The following DNAH10 variants were observed in gnomAD, a reference collection of about 807,000 sequenced individuals.
The protein encoded by DNAH10 is axonemal beta dynein heavy chain 10.
A neutral mutation model predicts 506.6 loss-of-function variants in DNAH10; 348 were observed. That is an observed-to-expected ratio of 0.69 (90% CI 0.63 to 0.75). DNAH10 has a LOEUF of 0.75. Among genes scored for constraint, DNAH10 ranks in the 30% least tolerant of loss-of-function variants. The probability of loss-of-function intolerance (pLI) is 0.00; values close to 1 mark genes in which losing one functional copy is unlikely to be tolerated. For synonymous variants in DNAH10, 2,059 were observed against 2,198.6 expected (o/e 0.94, Z 1.78); for missense variants, 5,179 against 5,787.1 (o/e 0.89, Z 3.41).
intron 8 of DNAH10, among the ~76,000 whole-genome samples, chr12:123,784,797 A>T (rs1438513895): frequency 6.6e-6 from 1 of 152,070 alleles, no homozygotes; most frequent in African/African-American, 2.4e-5. Context: ...TGTAAATCTG[A>T]CTACTCTAGG....
chr12:123,765,686 A>G (rs1957012691), intron 1 of DNAH10, among the ~76,000 whole-genome samples: 1 of 150,818 alleles, frequency 6.6e-6, no homozygotes, highest in Non-Finnish European at 1.5e-5. Flanking sequence ...CTATCTACCA[A>G]CTGACCAATC....
chr12:123,923,896 C>G (rs1243610754), intron 66 of DNAH10, 29 bp downstream of exon 66: 1 of 1,476,274 alleles, frequency 6.8e-7, no homozygotes, highest in Admixed American at 1.9e-5. Context: ...TTCATTCCTC[C>G]CATCTCCTTG....
intron 56 of DNAH10, among the ~76,000 whole-genome samples, chr12:123,901,710 G>C (rs1953528802): frequency 6.6e-6 from 1 of 152,122 alleles, no homozygotes; most frequent in Non-Finnish European, 1.5e-5. Context: ...ACCTAGGCTG[G>C]AGTGCAGTGG....
intron 36 of DNAH10, among the ~76,000 whole-genome samples, chr12:123,856,114 CATTTT>C (rs935095913): frequency 1.4e-5 from 2 of 146,350 alleles, no homozygotes; most frequent in African/African-American, 5.0e-5. Flanking sequence ...ATATACATAA[CATTTT>C]ATATACATTT....
chr12:123,769,203 T>C (rs1957158473), intron 2 of DNAH10, among the ~76,000 whole-genome samples: 1 of 151,828 alleles, frequency 6.6e-6, no homozygotes, highest in Admixed American at 6.6e-5. Flanking sequence ...TGGAGTGCAA[T>C]GGTGCGATCT....
intron 57 of DNAH10, among the ~76,000 whole-genome samples, chr12:123,904,136 A>G (rs1953664859): frequency 6.6e-6 from 1 of 152,212 alleles, no homozygotes; most frequent in Non-Finnish European, 1.5e-5. Context: ...AGCTCACTCC[A>G]GGACAGAATG....
intron 5 of DNAH10, among the ~76,000 whole-genome samples, chr12:123,779,599 G>GT (rs1178991027): frequency 2.3e-5 from 2 of 88,372 alleles, no homozygotes; most frequent in East Asian, 7.0e-4. Flanking sequence ...GGACCTGGGG[G>GT]TGGGGGAGAG....
chr12:123,858,453 G>T (rs1177978711), intron 37 of DNAH10, among the ~76,000 whole-genome samples: 2 of 152,208 alleles, frequency 1.3e-5, no homozygotes, highest in Non-Finnish European at 2.9e-5. Context: ...TTTCTCTGGA[G>T]TTGGTTGTTG....
At chr12:123,898,561 G>C (rs1953362718) in intron 55 of DNAH10, 92 bp from the exon 56 acceptor site, 4 of 1,397,758 alleles carry the variant, frequency 2.9e-6, no homozygotes, top group African/African-American at 1.5e-5. Flanking sequence ...GTTTTGTTTT[G>C]TTTTTGATAA....
rs1276348625 is a variant in DNAH10 at position 123,903,502 on chromosome 12, T to C, written c.9815+389T>C. On this transcript the variant is annotated intron_variant, in intron 57 of 78. Coordinates refer to ENST00000673944, the MANE Select transcript of DNAH10 (RefSeq NM_001372106.1). The surrounding 1 kb of genome is among the most constrained non-coding windows in gnomAD (Gnocchi z 4.6). ...CTGAAAACAGCTCTGCAGAGATGTG[T>C]GCACACCACGGCCGGACTGGCGATG... 6.6e-6 allele frequency among the ~76,000 whole-genome samples: 1 copy of C among 152,224 alleles called. No individual in the cohort carries two copies. The highest frequency in any genetic ancestry group is 1.5e-5 in the Non-Finnish European group (1 of 68,030).
At chr12:123,788,614 G>GA (rs904556341) in intron 10 of DNAH10, among the ~76,000 whole-genome samples, 45 of 150,902 alleles carry the variant, frequency 3.0e-4, no homozygotes, top group East Asian at 1.4e-3. Flanking sequence ...TCAAAGACAG[G>GA]AAAAAAAAAT....
At chr12:123,933,557 C>T in intron 77 of DNAH10, 46 bp downstream of exon 77, 1 of 1,534,284 alleles carries the variant, frequency 6.5e-7, no homozygotes. Flanking sequence ...CTTAGGATTT[C>T]TCTCCCTGAA....
chr12:123,796,505 T>C, intron 12 of DNAH10, 151 bp from the exon 13 acceptor site: 1 of 686,912 alleles, frequency 1.5e-6, no homozygotes, highest in Non-Finnish European at 2.3e-6. Context: ...GAAAAAGTAG[T>C]AAATAATAAG....
chr12:123,914,439 G>T lies in DNAH10; in HGVS notation c.10463G>T (p.Arg3488Leu). 1 of 1,613,768 alleles carries T rather than the reference G, an allele frequency of 6.2e-7. No homozygotes were observed. The highest frequency in any genetic ancestry group is 1.1e-5 in the South Asian group (1 of 91,084). ...GAGGGAGCCTTCACCTGGGAGTTCC[G>T]TGACGAGATGGTCAATCGGATTTGG... ...SYEGAFTWEF[R>L]DEMVNRIWQN... is the part of the protein sequence containing the mutation. Residue 3488 changes from arginine to leucine, a missense_variant, in exon 61 of 79, where the codon CGT (arginine) becomes CTT (leucine). Arg to Leu is a moderately radical substitution (Grantham distance 102, BLOSUM62 -2). Around this residue, in one of 3 missense-constraint regions of DNAH10, gnomAD observed 4,844 missense variants for 5,430.5 expected, o/e 0.89. Coordinates refer to ENST00000673944, the MANE Select transcript of DNAH10 (RefSeq NM_001372106.1).
intron 30 of DNAH10, 57 bp from the exon 31 acceptor site, chr12:123,845,543 T>G: frequency 6.3e-7 from 1 of 1,591,396 alleles, no homozygotes; most frequent in Non-Finnish European, 8.5e-7. Context: ...AAGGGACTGT[T>G]TTGGGTACCA....
At chr12:123,807,312 A>G (rs1352836154) in intron 18 of DNAH10, among the ~76,000 whole-genome samples, 3 of 152,174 alleles carry the variant, frequency 2.0e-5, no homozygotes, top group African/African-American at 7.2e-5. Flanking sequence ...GTATCCTTGC[A>G]GTTTCTCTAA....
chr12:123,852,003 T>TCCTC (rs1951195075), intron 35 of DNAH10, among the ~76,000 whole-genome samples: 1 of 152,178 alleles, frequency 6.6e-6, no homozygotes, highest in Admixed American at 6.5e-5. Flanking sequence ...ACTTCTGGGC[T>TCCTC]CCAGTAATCC....
At chr12:123,867,328 A>T (rs1434497732) in intron 41 of DNAH10, 139 bp from the exon 42 acceptor site, 1 of 895,144 alleles carries the variant, frequency 1.1e-6, no homozygotes, top group African/African-American at 1.7e-5. Flanking sequence ...GGGCACTATT[A>T]TCAGGATTTC....
chr12:123,861,323 A>G (rs1240733153), intron 39 of DNAH10, among the ~76,000 whole-genome samples, 153 bp downstream of exon 39: 1 of 152,246 alleles, frequency 6.6e-6, no homozygotes, highest in African/African-American at 2.4e-5. Flanking sequence ...GGAAGTGCGC[A>G]GTCCAATCTT....
Sources: allele counts gnomAD v4.1 joint callset (sites outside exome capture counted in the v4.1 genomes callset), GRCh38; gene constraint gnomAD v4.1.1; regional missense constraint gnomAD v4.1.1; non-coding constraint Gnocchi (gnomAD v3.1); transcripts MANE v1.5; gene names NCBI Gene and HGNC (gene_info 2026-07-23, HGNC 2026-07-21).